Variants in EDEM2 observed in about 807,000 individuals in gnomAD.
EDEM2 encodes the protein ER degradation-enhancing alpha-mannosidase-like protein 2.
In EDEM2, 39 loss-of-function variants were observed where a neutral mutation model predicts 64.8. The observed-to-expected ratio is 0.60, with a 90% CI of 0.47 to 0.79. The LOEUF (loss-of-function observed/expected upper bound fraction) is 0.79, where lower values mean the gene tolerates loss of function less well. EDEM2 is among the 30% of genes least tolerant of loss of function. The probability of loss-of-function intolerance (pLI) is 0.00; values close to 1 mark genes in which losing one functional copy is unlikely to be tolerated. For synonymous variants in EDEM2, 296 were observed against 291.5 expected (o/e 1.02, Z -0.16); for missense variants, 609 against 731.3 (o/e 0.83, Z 1.93).
intron 7 of EDEM2, among the ~76,000 whole-genome samples, chr20:35,127,140 T>C (rs2085444464): frequency 6.6e-6 from 1 of 152,198 alleles, no homozygotes; most frequent in African/African-American, 2.4e-5. Context: ...TCTCATTCTC[T>C]CTTGCCTGCA....
intron 10 of EDEM2, chr20:35,118,393 A>C: frequency 1.2e-5 from 8 of 662,014 alleles, no homozygotes; most frequent in Non-Finnish European, 1.5e-5. Flanking sequence ...TTCTAGCTCT[A>C]CCTCTACTAG....
intron 2 of EDEM2, among the ~76,000 whole-genome samples, chr20:35,145,309 A>G (rs142773651): frequency 7.5e-4 from 114 of 152,364 alleles, no homozygotes; most frequent in African/African-American, 2.6e-3. Flanking sequence ...CTTAAAGCAC[A>G]GGCCTTTCAC....
intron 3 of EDEM2, among the ~76,000 whole-genome samples, chr20:35,143,763 T>C (rs1250098227): frequency 6.6e-6 from 1 of 152,020 alleles, no homozygotes; most frequent in Non-Finnish European, 1.5e-5. Context: ...GTTACACAGG[T>C]TGGAGTGCAG....
At chr20:35,118,741 C>T in intron 9 of EDEM2, 22 bp from the exon 10 acceptor site, 1 of 1,611,010 alleles carries the variant, frequency 6.2e-7, no homozygotes, top group Non-Finnish European at 8.5e-7. Context: ...AAAGCAGACC[C>T]TCCTCACTCA....
rs899181843 is a variant in EDEM2 at position 35,147,322 on chromosome 20, A to T, written c.-64T>A. The T allele has an allele frequency of 4.6e-5, 64 of 1,403,068 alleles. No individual in the cohort carries two copies. The highest frequency in any genetic ancestry group is 5.6e-5 in the Non-Finnish European group (60 of 1,072,954). 86.9% of individuals were successfully genotyped at this position (1,403,068 alleles called of 1,614,324 possible). A position where few individuals can be genotyped will look rare whatever the true frequency, so the allele number is the denominator to read the frequency against. ...GCCACTGCAACCAGTTCATCCTGGG[A>T]GCTGCTGCGGGTTCTTCCGGGAATC... On this transcript the variant is annotated 5_prime_UTR_variant, in exon 1 of 11. Coordinates refer to ENST00000374492, the MANE Select transcript of EDEM2 (RefSeq NM_018217.3).
chr20:35,128,052 T>C (rs1349002401), intron 7 of EDEM2, among the ~76,000 whole-genome samples: 1 of 152,176 alleles, frequency 6.6e-6, no homozygotes, highest in East Asian at 1.9e-4. Context: ...CGTTTATGTA[T>C]TTACTATATT....
intron 5 of EDEM2, among the ~76,000 whole-genome samples, chr20:35,137,239 G>A (rs1022658593): frequency 4.1e-4 from 63 of 152,178 alleles, no homozygotes; most frequent in Non-Finnish European, 1.8e-4. Flanking sequence ...TCAACGTGGC[G>A]AAACTTCATC....
At chr20:35,141,931 T>A (rs968308953) in intron 4 of EDEM2, among the ~76,000 whole-genome samples, 1 of 152,204 alleles carries the variant, frequency 6.6e-6, no homozygotes, top group East Asian at 1.9e-4. Context: ...TTCAATTCCA[T>A]AGTTGTAGTA....
intron 3 of EDEM2, among the ~76,000 whole-genome samples, chr20:35,143,001 C>T (rs2085678899): frequency 6.6e-6 from 1 of 152,110 alleles, no homozygotes; most frequent in Admixed American, 6.6e-5. Context: ...CATGATCCAC[C>T]CGCCTTGGCC....
intron 6 of EDEM2, chr20:35,134,015 TTC>T (rs965468834): frequency 1.3e-5 from 6 of 445,874 alleles, no homozygotes; most frequent in African/African-American, 1.2e-4. Context: ...TTGAATCCAG[TTC>T]TGACTAAATC....
At position 35,126,330 on chromosome 20, in the gene EDEM2, T is replaced by A; in HGVS notation, c.890A>T (p.Tyr297Phe). ...IRNYTRFDDW[Y>F]LWVQMYKGTV... ...CCCCTTGTACATCTGAACCCACAGGTACCAGTCATCGAAGCGGGTGTAGTT... is the reference window on the plus strand; with the variant it reads ...CCCCTTGTACATCTGAACCCACAGGAACCAGTCATCGAAGCGGGTGTAGTT... Residue 297 changes from tyrosine to phenylalanine, a missense_variant, in exon 8 of 11, where the codon TAC becomes TTC. Physicochemically the swap from Tyr to Phe is conservative, Grantham distance 22 (BLOSUM62 3). Coordinates refer to ENST00000374492, the MANE Select transcript of EDEM2 (RefSeq NM_018217.3). 1 of 1,614,092 alleles carries A rather than the reference T, an allele frequency of 6.2e-7. No homozygotes were observed. The highest frequency in any genetic ancestry group is 8.5e-7 in the Non-Finnish European group (1 of 1,180,012).
At chr20:35,128,565 T>TAAA (rs34451037) in intron 7 of EDEM2, among the ~76,000 whole-genome samples, 2 of 78,028 alleles carry the variant, frequency 2.6e-5, no homozygotes, top group Non-Finnish European at 3.3e-5. Context: ...AAACTCTGTC[T>TAAA]AAAAAAAAAA....
At chr20:35,126,169 T>G (rs1005092114) in intron 8 of EDEM2, 82 bp downstream of exon 8, 27 of 1,542,712 alleles carry the variant, frequency 1.8e-5, no homozygotes, top group Admixed American at 1.2e-4. Flanking sequence ...ATTAACAAAG[T>G]ACATTATTTG....
At chr20:35,118,224 A>G (rs2085330153) in intron 10 of EDEM2, among the ~76,000 whole-genome samples, 1 of 152,180 alleles carries the variant, frequency 6.6e-6, no homozygotes, top group Non-Finnish European at 1.5e-5. Flanking sequence ...AGGTTTGAAT[A>G]TAGGGCTATG....
chr20:35,125,509 C>T (rs1271849073), intron 8 of EDEM2, among the ~76,000 whole-genome samples: 3 of 151,922 alleles, frequency 2.0e-5, no homozygotes, highest in Admixed American at 6.6e-5. Flanking sequence ...CTCAGCCTCC[C>T]GAGTAGCTGG....
chr20:35,146,735 A>G, intron 2 of EDEM2, 90 bp downstream of exon 2: 2 of 1,377,150 alleles, frequency 1.5e-6, no homozygotes, highest in Admixed American at 2.0e-5. Context: ...GCCGGTGAGG[A>G]GACCATGAAG....
At position 35,115,924 on chromosome 20, in the gene EDEM2, G is replaced by A. The variant is rs1250308408; in HGVS notation, c.1246C>T (p.Leu416=). 3 of 1,613,338 alleles carry A rather than the reference G, an allele frequency of 1.9e-6. No individual in the cohort carries two copies. The Admixed American group carries it at 5.0e-5, about 27-fold the overall frequency. The change falls in exon 11 of 11, where the codon CTG becomes TTG. Residue 416 remains leucine, a synonymous_variant. Transcript: ENST00000374492. ...VECGFATIKD[L]RDHKLDNRME... is the part of the protein sequence containing the mutation. ...CGGTTGTCCAGCTTGTGGTCTCGCA[G>A]ATCTTTGATCTGACATGTGGGAGAA...
chr20:35,118,799 A>C, intron 9 of EDEM2, 80 bp from the exon 10 acceptor site: 1 of 1,571,422 alleles, frequency 6.4e-7, no homozygotes, highest in Non-Finnish European at 8.6e-7. Flanking sequence ...GTGAGGGACT[A>C]CTCCCCTCCA....
At chr20:35,133,749 G>T (rs2085538818) in intron 6 of EDEM2, among the ~76,000 whole-genome samples, 1 of 152,174 alleles carries the variant, frequency 6.6e-6, no homozygotes, top group South Asian at 2.1e-4. Flanking sequence ...TTACAGGCGT[G>T]AGCCACCGCA....
Sources: gnomAD v4.1 joint callset for allele counts (sites outside exome capture counted in the v4.1 genomes callset) on GRCh38, gnomAD v4.1.1 for gene constraint, MANE v1.5 for transcripts, NCBI Gene and HGNC (gene_info 2026-07-23, HGNC 2026-07-21) for gene names.